The following AGBL4 variants were observed in gnomAD, a reference collection of about 807,000 sequenced individuals.
The protein encoded by AGBL4 is AGBL carboxypeptidase 4.
Under a neutral mutation model 66.4 loss-of-function variants are expected in AGBL4, and 58 were observed. That is an observed-to-expected ratio of 0.87 (90% CI 0.71 to 1.09). AGBL4 has a LOEUF of 1.09. AGBL4 is among the 50% of genes least tolerant of loss of function. The pLI, the probability that AGBL4 is intolerant of heterozygous loss-of-function variation, is 0.00. For synonymous variants in AGBL4, 234 were observed against 222.9 expected, an observed-to-expected ratio of 1.05 and a Z score of -0.44; for missense variants, 579 against 631.0, an observed-to-expected ratio of 0.92 and a Z score of 0.88.
At chr1:48,997,201 G>A (rs1661084912) in intron 5 of AGBL4, among the ~76,000 whole-genome samples, 1 of 152,184 alleles carries the variant, frequency 6.6e-6, no homozygotes, top group South Asian at 2.1e-4. Context: ...GGGATTACAG[G>A]TGTGAGCCAC....
At chr1:49,484,914 C>A (rs992468810) in intron 3 of AGBL4, among the ~76,000 whole-genome samples, 1 of 151,744 alleles carries the variant, frequency 6.6e-6, no homozygotes, top group Non-Finnish European at 1.5e-5. Context: ...TTTTAAAAAT[C>A]TTTATAAATG....
intron 1 of AGBL4, among the ~76,000 whole-genome samples, chr1:49,865,570 AC>A (rs1646680046): frequency 6.6e-6 from 1 of 152,184 alleles, no homozygotes; most frequent in African/African-American, 2.4e-5. Flanking sequence ...AACAGCATCA[AC>A]AAAAAGTCCC....
chr1:49,735,300 T>G (rs1033627664), intron 2 of AGBL4, among the ~76,000 whole-genome samples: 8 of 131,510 alleles, frequency 6.1e-5, no homozygotes, highest in Admixed American at 3.8e-4. Context: ...TGTGTGGGTG[T>G]GTGTGTGTGT....
intron 3 of AGBL4, among the ~76,000 whole-genome samples, chr1:49,519,442 A>T (rs1650082485): frequency 6.6e-6 from 1 of 152,090 alleles, no homozygotes. Flanking sequence ...TGTTCATACA[A>T]TTAGTTTGCT....
intron 3 of AGBL4, among the ~76,000 whole-genome samples, chr1:49,439,952 G>T (rs1028492294): frequency 6.6e-6 from 1 of 151,972 alleles, no homozygotes; most frequent in African/African-American, 2.4e-5. Flanking sequence ...ACAGATTTTG[G>T]TACCAAGAGT....
At chr1:49,399,688 G>C (rs567053636) in intron 3 of AGBL4, among the ~76,000 whole-genome samples, 239 of 151,900 alleles carry the variant, frequency 1.6e-3, no homozygotes, top group African/African-American at 5.4e-3. Context: ...TTTTAATCAC[G>C]GTATTAGCTT....
At chr1:48,907,516 G>A (rs1339958634) in intron 5 of AGBL4, among the ~76,000 whole-genome samples, 1 of 152,086 alleles carries the variant, frequency 6.6e-6, no homozygotes, top group Non-Finnish European at 1.5e-5. Flanking sequence ...AGCCAGGGGG[G>A]AAAGGCCTGG....
In AGBL4 at chr1:49,320,291, T is replaced by G. The variant is rs1645110075; in HGVS notation, c.283-74427A>C. Reference sequence around the variant, plus strand: ...AAAAAAATTTAAACCATAGCACATATGCTGACATTTCTCTAGCTATGAGAG... The same window carrying G: ...AAAAAAATTTAAACCATAGCACATAGGCTGACATTTCTCTAGCTATGAGAG... On this transcript the variant is annotated intron_variant, in intron 3 of 13. Transcript: ENST00000371839. Among the ~76,000 whole-genome samples the G allele has an allele frequency of 2.0e-5, 3 of 152,066 alleles. No homozygotes were observed. In the South Asian group the frequency reaches 6.2e-4, roughly 32 times the overall value.
chr1:49,828,836 C>T (rs1327771002), intron 2 of AGBL4, among the ~76,000 whole-genome samples: 8 of 151,848 alleles, frequency 5.3e-5, no homozygotes, highest in Admixed American at 6.6e-5. Context: ...TTTGGAAGGC[C>T]GAGGCGGGCG....
At chr1:49,432,371 C>T (rs1178335123) in intron 3 of AGBL4, among the ~76,000 whole-genome samples, 1 of 151,972 alleles carries the variant, frequency 6.6e-6, no homozygotes, top group Non-Finnish European at 1.5e-5. Context: ...ATTTCCAATT[C>T]CAACTGGTTG....
At chr1:48,978,445 G>T (rs1659507141) in intron 5 of AGBL4, among the ~76,000 whole-genome samples, 2 of 152,104 alleles carry the variant, frequency 1.3e-5, no homozygotes, top group African/African-American at 4.8e-5. Flanking sequence ...CCAGCTTCCA[G>T]CTTCTTTTGG....
At chr1:49,600,477 A>C (rs1264089418) in intron 3 of AGBL4, among the ~76,000 whole-genome samples, 2 of 151,978 alleles carry the variant, frequency 1.3e-5, no homozygotes, top group African/African-American at 4.8e-5. Context: ...ATATTCCTCC[A>C]CCAATTATTT....
intron 1 of AGBL4, among the ~76,000 whole-genome samples, chr1:49,980,442 C>T (rs941771566): frequency 3.9e-5 from 6 of 152,252 alleles, no homozygotes; most frequent in African/African-American, 9.6e-5. Context: ...CACCTTCCCT[C>T]GGCCCCTGGT....
At chr1:48,746,622 A>G (rs1018675202) in intron 6 of AGBL4, among the ~76,000 whole-genome samples, 2 of 152,276 alleles carry the variant, frequency 1.3e-5, no homozygotes, top group African/African-American at 4.8e-5. Flanking sequence ...CATTGTCTAC[A>G]GAAGGTCGGC....
chr1:49,282,746 A>G (rs920337542), intron 3 of AGBL4, among the ~76,000 whole-genome samples: 5 of 152,150 alleles, frequency 3.3e-5, no homozygotes, highest in African/African-American at 1.2e-4. Flanking sequence ...TTACGAGTCA[A>G]AGAAAGGGGT....
intron 4 of AGBL4, among the ~76,000 whole-genome samples, chr1:49,063,612 C>T (rs572708842): frequency 3.2e-4 from 48 of 151,878 alleles, no homozygotes; most frequent in Admixed American, 7.9e-4. Flanking sequence ...TTTTTATGGG[C>T]GAGAACAAAT....
At chr1:49,698,682 G>A (rs1274925726) in intron 2 of AGBL4, among the ~76,000 whole-genome samples, 3 of 152,132 alleles carry the variant, frequency 2.0e-5, no homozygotes, top group Middle Eastern at 3.4e-3. Context: ...ATTTTAAGTG[G>A]TAAGGCTTAA....
intron 1 of AGBL4, among the ~76,000 whole-genome samples, chr1:49,872,791 T>C (rs1224496943): frequency 6.6e-6 from 1 of 152,162 alleles, no homozygotes; most frequent in African/African-American, 2.4e-5. Context: ...GATACTACTA[T>C]AATTTTGTCT....
chr1:50,005,144 A>T (rs1239250664), intron 1 of AGBL4, among the ~76,000 whole-genome samples: 1 of 152,108 alleles, frequency 6.6e-6, no homozygotes, highest in Non-Finnish European at 1.5e-5. Flanking sequence ...TTGAGCAAAC[A>T]TAGGCAGTAG....
Sources: gnomAD v4.1 joint callset for allele counts (sites outside exome capture counted in the v4.1 genomes callset) on GRCh38, gnomAD v4.1.1 for gene constraint, MANE v1.5 for transcripts, NCBI Gene and HGNC (gene_info 2026-07-23, HGNC 2026-07-21) for gene names.